Variants in CTNNA2 observed in about 807,000 individuals in gnomAD.
CTNNA2 encodes the protein catenin alpha-2.
In CTNNA2, 42 loss-of-function variants were observed where a neutral mutation model predicts 101.0. The ratio of observed to expected loss-of-function variants is 0.42; its 90% CI spans 0.32 to 0.54. CTNNA2 has a LOEUF of 0.54. Ranked by LOEUF, CTNNA2 falls within the 20% of genes least tolerant of loss-of-function variation. The pLI is 0.14. For missense variants in CTNNA2, 871 were observed against 1,223.1 expected (o/e 0.71, Z 4.29); for synonymous variants, 450 against 456.4 (o/e 0.99, Z 0.18).
chr2:79,593,047 G>A (rs76638119), intron 1 of CTNNA2, among the ~76,000 whole-genome samples: 123 of 152,284 alleles, frequency 8.1e-4, no homozygotes, highest in African/African-American at 2.8e-3. Flanking sequence ...GTGGGCAAAG[G>A]AAGTAAATGC....
In CTNNA2 at chr2:80,628,806, C is replaced by T. The variant is rs143998856; in HGVS notation, c.2574+9578C>T. On this transcript the variant is annotated intron_variant, in intron 18 of 18. Coordinates refer to ENST00000402739, the MANE Select transcript of CTNNA2 (RefSeq NM_001282597.3). ...GGCAGATAGAAGCTGCCAATGAAGG[C>T]TTTGAGTGGCACGATGATCCCCATC... is the stretch of plus-strand genomic sequence containing the variant. 5.8e-3 allele frequency among the ~76,000 whole-genome samples: 883 copies of T among 152,104 alleles called. 6 individuals are homozygous for T. The highest frequency in any genetic ancestry group is 8.8e-3 in the Non-Finnish European group (598 of 67,998).
At chr2:79,483,592 T>C (rs1386192830) in intron 4 of CTNNA2, among the ~76,000 whole-genome samples, 2 of 152,172 alleles carry the variant, frequency 1.3e-5, no homozygotes, top group African/African-American at 4.8e-5. Flanking sequence ...GTCTCCAAAG[T>C]CCATGTATTG....
chr2:80,363,106 G>T (rs1016497523), intron 7 of CTNNA2, among the ~76,000 whole-genome samples: 3 of 151,030 alleles, frequency 2.0e-5, no homozygotes, highest in African/African-American at 7.3e-5. Flanking sequence ...ATAAAGACAT[G>T]TCCTAAATAA....
At position 79,340,790 on chromosome 2, in the gene CTNNA2, C is replaced by T. The variant is rs755504037; in HGVS notation, c.-318+27994C>T. Among the ~76,000 whole-genome samples, 78 of 139,966 alleles carry T rather than the reference C, an allele frequency of 5.6e-4. 1 individual carries two copies. Among genetic ancestry groups the T allele is most frequent in the Admixed American group, 2.8e-3 (37 of 13,186 alleles). 91.8% of individuals were successfully genotyped at this position (139,966 alleles called of 152,430 possible). On this transcript the variant is annotated intron_variant, in intron 3 of 21. Coordinates refer to the CTNNA2 transcript ENST00000466387. ...CGGAGCTTGCAGTGAGCGGAGATCGCGCCACTGCACTCCAGCCTGGGCTAC... is the reference window on the plus strand; with the variant it reads ...CGGAGCTTGCAGTGAGCGGAGATCGTGCCACTGCACTCCAGCCTGGGCTAC...
intron 2 of CTNNA2, among the ~76,000 whole-genome samples, chr2:79,286,018 T>C (rs1340838925): frequency 6.6e-6 from 1 of 150,582 alleles, no homozygotes; most frequent in Non-Finnish European, 1.5e-5. Flanking sequence ...ATGGCCTTCT[T>C]TGTCTCTTTT....
Position 80,137,186 on chromosome 2 carries a change from T to C in CTNNA2, c.1056+227389T>C, listed in dbSNP as rs539977367. 2.2e-4 allele frequency among the ~76,000 whole-genome samples: 33 copies of C among 152,240 alleles called. 1 individual carries two copies. The South Asian group carries it at 6.9e-3, about 32-fold the overall frequency. On this transcript the variant is annotated intron_variant, in intron 7 of 18. Coordinates refer to ENST00000402739, the MANE Select transcript of CTNNA2 (RefSeq NM_001282597.3). ...TGGGCTGTTATCTTATAAGGCAGAATACAGATATTTTGAGAAACCTACCAC... is the reference window on the plus strand; with the variant it reads ...TGGGCTGTTATCTTATAAGGCAGAACACAGATATTTTGAGAAACCTACCAC...
chr2:79,506,347 C>G (rs958747658), intron 5 of CTNNA2, among the ~76,000 whole-genome samples: 1 of 151,878 alleles, frequency 6.6e-6, no homozygotes, highest in Non-Finnish European at 1.5e-5. Context: ...TCTTCAACCA[C>G]GTCCAAGCTG....
intron 9 of CTNNA2, among the ~76,000 whole-genome samples, chr2:80,447,744 C>G (rs981242600): frequency 1.3e-5 from 2 of 151,716 alleles, no homozygotes; most frequent in Non-Finnish European, 2.9e-5. Flanking sequence ...CCCAACCTTT[C>G]AAACAAACAC....
intron 7 of CTNNA2, among the ~76,000 whole-genome samples, chr2:80,189,596 GC>G: frequency 6.6e-6 from 1 of 152,184 alleles, no homozygotes; most frequent in Non-Finnish European, 1.5e-5. Flanking sequence ...TCCTAAGGGA[GC>G]AAAGAGGAGC....
At chr2:80,455,513 A>G (rs144699845) in intron 9 of CTNNA2, among the ~76,000 whole-genome samples, 153 of 152,326 alleles carry the variant, frequency 1.0e-3, no homozygotes, top group Non-Finnish European at 1.7e-3. Context: ...CCACGGCATT[A>G]GGTCTCCGTG....
At chr2:79,641,920 A>T (rs1680474083) in intron 1 of CTNNA2, among the ~76,000 whole-genome samples, 2 of 152,130 alleles carry the variant, frequency 1.3e-5, no homozygotes, top group South Asian at 4.1e-4. Context: ...ATAAAAACCC[A>T]TTTCAGTGAG....
At chr2:79,871,225 C>A (rs1682557206) in intron 5 of CTNNA2, among the ~76,000 whole-genome samples, 1 of 152,158 alleles carries the variant, frequency 6.6e-6, no homozygotes, top group Non-Finnish European at 1.5e-5. Flanking sequence ...TCATTCTGTG[C>A]CAGGCTTAAG....
At chr2:79,477,093 A>G (rs1671057787) in intron 4 of CTNNA2, among the ~76,000 whole-genome samples, 2 of 152,084 alleles carry the variant, frequency 1.3e-5, no homozygotes, top group African/African-American at 4.8e-5. Context: ...TCTCCTTGAC[A>G]GAGTTTTAAT....
At chr2:80,614,374 A>G (rs1009696248) in intron 17 of CTNNA2, among the ~76,000 whole-genome samples, 1 of 151,542 alleles carries the variant, frequency 6.6e-6, no homozygotes, top group East Asian at 1.9e-4. Context: ...CATTTGCATC[A>G]TAATAGGTAT....
chr2:80,163,432 T>A (rs1409034505), intron 7 of CTNNA2, among the ~76,000 whole-genome samples: 1 of 152,162 alleles, frequency 6.6e-6, no homozygotes, highest in Non-Finnish European at 1.5e-5. Context: ...ACTCTGCTAC[T>A]GATTTCAAGT....
At chr2:80,265,472 G>T (rs1217790700) in intron 7 of CTNNA2, among the ~76,000 whole-genome samples, 1 of 152,036 alleles carries the variant, frequency 6.6e-6, no homozygotes, top group Non-Finnish European at 1.5e-5. Flanking sequence ...AGATGCATAG[G>T]GATTCTGGAG....
At chr2:80,146,971 A>G (rs1203412000) in intron 7 of CTNNA2, among the ~76,000 whole-genome samples, 1 of 140,120 alleles carries the variant, frequency 7.1e-6, no homozygotes, top group Admixed American at 7.1e-5. Context: ...TTATTTATTT[A>G]TTTATTTATT....
At chr2:79,936,469 C>G (rs948967272) in intron 7 of CTNNA2, among the ~76,000 whole-genome samples, 1 of 152,034 alleles carries the variant, frequency 6.6e-6, no homozygotes, top group Non-Finnish European at 1.5e-5. Context: ...CTCCTCTTGG[C>G]TCTTGCCTGC....
intron 4 of CTNNA2, among the ~76,000 whole-genome samples, chr2:79,442,484 G>T (rs1418236968): frequency 2.6e-5 from 4 of 152,110 alleles, no homozygotes; most frequent in Non-Finnish European, 5.9e-5. Context: ...GAAGATACGT[G>T]TTCTGTTGTT....
Sources: gnomAD v4.1 joint callset for allele counts (sites outside exome capture counted in the v4.1 genomes callset) on GRCh38, gnomAD v4.1.1 for gene constraint, MANE v1.5 for transcripts, NCBI Gene and HGNC (gene_info 2026-07-23, HGNC 2026-07-21) for gene names.